WDFY4: variants seen among roughly 807,000 people sequenced by gnomAD.
WDFY4 encodes the protein WD repeat- and FYVE domain-containing protein 4.
WDFY4 carries 169 observed loss-of-function variants against 351.9 expected under a neutral mutation model. That is an observed-to-expected ratio of 0.48 (90% CI 0.42 to 0.55). WDFY4 has a LOEUF of 0.55. Ranked by LOEUF, WDFY4 falls within the 20% of genes least tolerant of loss-of-function variation. The pLI, the probability that WDFY4 is intolerant of heterozygous loss-of-function variation, is 0.00. For synonymous variants in WDFY4, 1,622 were observed against 1,574.6 expected, an observed-to-expected ratio of 1.03 and a Z score of -0.71; for missense variants, 3,803 against 3,935.6, an observed-to-expected ratio of 0.97 and a Z score of 0.90.
intron 39 of WDFY4, among the ~76,000 whole-genome samples, chr10:48,858,401 C>T (rs1487687714): frequency 1.3e-5 from 2 of 152,080 alleles, no homozygotes; most frequent in African/African-American, 2.4e-5. Context: ...GTATAAGGTA[C>T]GAGACTTAGG....
intron 23 of WDFY4, among the ~76,000 whole-genome samples, chr10:48,795,574 CTGATCACA>C (rs2066845535): frequency 7.0e-6 from 1 of 142,992 alleles, no homozygotes; most frequent in African/African-American, 2.7e-5. Context: ...TGAGTCTTTT[CTGATCACA>C]AACAAGGCTT....
In WDFY4 at chr10:48,749,032, A is replaced by G. The variant is rs12240804; in HGVS notation, c.2459+5484A>G. On this transcript the variant is annotated intron_variant, in intron 12 of 61. Coordinates refer to ENST00000325239, the MANE Select transcript of WDFY4 (RefSeq NM_001394531.1). ...CTTCCATCTCCTGATTTGAAGGCAG[A>G]CATAATAATAGTATCTACATTGAGG... Among the ~76,000 whole-genome samples, 1,041 of 152,338 alleles carry G rather than the reference A, an allele frequency of 6.8e-3. 10 individuals are homozygous for G. Among genetic ancestry groups the G allele is most frequent in the African/African-American group, 0.023 (977 of 41,576 alleles).
intron 1 of WDFY4, among the ~76,000 whole-genome samples, chr10:48,702,017 T>C (rs2063493172): frequency 6.6e-6 from 1 of 152,208 alleles, no homozygotes; most frequent in Non-Finnish European, 1.5e-5. Context: ...TTTCTTAAAG[T>C]CAGGTTTACT....
intron 26 of WDFY4, among the ~76,000 whole-genome samples, 153 bp downstream of exon 26, chr10:48,805,574 T>C (rs1329057996): frequency 6.6e-6 from 1 of 152,190 alleles, no homozygotes; most frequent in African/African-American, 2.4e-5. Context: ...GGGGAAAGGA[T>C]GGTTTGCTGA....
In WDFY4 at chr10:48,780,077, A is replaced by G; in HGVS notation, c.3534A>G (p.Thr1178=). 6 of 1,552,058 alleles carry G rather than the reference A, an allele frequency of 3.9e-6. No individual in the cohort carries two copies. Among genetic ancestry groups the G allele is most frequent in the Non-Finnish European group, 5.2e-6 (6 of 1,147,062 alleles). ...CTAAGGAAATGAAAAGGCATTGTAC[A>G]GTTTCCACCTGTCTGGATGGACAGG... ...VVTKEMKRHC[T]VSTCLDGQVI... Residue 1178 remains threonine, a synonymous_variant, in exon 19 of 62, where the codon ACA becomes ACG. Transcript: ENST00000325239.
rs753059635 is a variant in WDFY4 at position 48,828,932 on chromosome 10, G to T, written c.6340+36G>T. 44 of 291,072 alleles carry T rather than the reference G, an allele frequency of 1.5e-4. 2 individuals are homozygous for T. Among genetic ancestry groups the T allele is most frequent in the Middle Eastern group, 1.3e-3 (1 of 768 alleles). The allele number at this position is 291,072 out of a possible 1,614,324, so 18.0% of individuals were successfully genotyped here. A position where few individuals can be genotyped will look rare whatever the true frequency, so the allele number is the denominator to read the frequency against. The stretch of plus-strand genomic sequence containing the variant: ...TTTGTCATTGTGTGTGTGGGCGGGG[G>T]GGGGGCGGGGAGGGGGTGGTGGCAG... On this transcript the variant is annotated intron_variant, in intron 37 of 61. Coordinates refer to ENST00000325239, the MANE Select transcript of WDFY4 (RefSeq NM_001394531.1).
intron 47 of WDFY4, chr10:48,910,171 G>T: frequency 7.1e-7 from 1 of 1,405,968 alleles, no homozygotes; most frequent in South Asian, 1.2e-5. Context: ...CTAACTGGGG[G>T]CTTCTCCTCT....
intron 40 of WDFY4, among the ~76,000 whole-genome samples, chr10:48,871,473 C>CTT (rs5784781): frequency 7.3e-6 from 1 of 137,140 alleles, no homozygotes. Flanking sequence ...TGGCCCCCCC[C>CTT]TTTTTTTTTT....
At chr10:48,759,206 G>T (rs2065425762) in intron 12 of WDFY4, among the ~76,000 whole-genome samples, 1 of 152,108 alleles carries the variant, frequency 6.6e-6, no homozygotes, top group Non-Finnish European at 1.5e-5. Context: ...GTTGTGTGTG[G>T]TGGTTTACCT....
intron 47 of WDFY4, among the ~76,000 whole-genome samples, chr10:48,940,915 G>T (rs1476357779): frequency 3.3e-5 from 5 of 152,138 alleles, no homozygotes; most frequent in Non-Finnish European, 1.5e-5. Flanking sequence ...GACTTCTTTG[G>T]TTTGATATTT....
intron 1 of WDFY4, among the ~76,000 whole-genome samples, chr10:48,704,101 T>C (rs940206053): frequency 8.5e-5 from 13 of 152,150 alleles, no homozygotes; most frequent in Non-Finnish European, 1.5e-4. Context: ...TGGGGGTCCC[T>C]GCAGCCCTTC....
At chr10:48,844,769 C>A (rs2133139056) in intron 39 of WDFY4, among the ~76,000 whole-genome samples, 1 of 152,284 alleles carries the variant, frequency 6.6e-6, no homozygotes, top group Admixed American at 6.5e-5. Flanking sequence ...TTAAGGGATT[C>A]CTCAAGCCTA....
chr10:48,759,844 C>T (rs553127128), intron 12 of WDFY4, among the ~76,000 whole-genome samples: 4 of 152,282 alleles, frequency 2.6e-5, no homozygotes, highest in South Asian at 4.1e-4. Context: ...GTTTCCTTCT[C>T]GGCTACCATT....
chr10:48,832,649 G>T lies in WDFY4; in HGVS notation c.6603G>T (p.Leu2201=). ...HSKVTLWSGS[L]SSAMKLMPGR... is the part of the protein sequence containing the mutation. ...AAGTCACTTTGTGGAGTGGAAGCCTGTCCTCAGCCATGAAGCTGATGCCCG... is the reference window on the plus strand; with the variant it reads ...AAGTCACTTTGTGGAGTGGAAGCCTTTCCTCAGCCATGAAGCTGATGCCCG... Residue 2201 remains leucine (L), a synonymous_variant, in exon 39 of 62, where the codon CTG becomes CTT. Transcript: ENST00000325239. 6.4e-7 allele frequency: 1 copy of T among 1,551,120 alleles called. No individual in the cohort carries two copies. Among genetic ancestry groups the T allele is most frequent in the South Asian group, 1.2e-5 (1 of 83,720 alleles).
chr10:48,687,079 T>C (rs915317751), intron 1 of WDFY4, among the ~76,000 whole-genome samples: 3 of 152,218 alleles, frequency 2.0e-5, no homozygotes, highest in Non-Finnish European at 4.4e-5. Flanking sequence ...TGAAAAGCTA[T>C]CTTAGCATGT....
At position 48,723,509 on chromosome 10, in the gene WDFY4, C is replaced by G; in HGVS notation, c.533C>G (p.Pro178Arg). 1 of 1,551,696 alleles carries G rather than the reference C, an allele frequency of 6.4e-7. No homozygotes were observed. Among genetic ancestry groups the G allele is most frequent in the South Asian group, 1.2e-5 (1 of 84,048 alleles). ...LQCLYLFFVFPLDKDELLESD... is the reference protein window; with the variant it reads ...LQCLYLFFVFRLDKDELLESD... ...TGCCTTTACCTCTTCTTTGTCTTTCCTCTGGACAAAGATGAGCTTCTTGAG... is the reference window on the plus strand; with the variant it reads ...TGCCTTTACCTCTTCTTTGTCTTTCGTCTGGACAAAGATGAGCTTCTTGAG... The change falls in exon 5 of 62, where the codon CCT becomes CGT. Residue 178 changes from proline to arginine, a missense_variant. Physicochemically the swap from Pro to Arg is moderately radical, Grantham distance 103 (BLOSUM62 -2). This residue lies in a region of WDFY4 where 488 missense variants were observed against 456.8 expected (regional missense o/e 1.07). Coordinates refer to ENST00000325239, the MANE Select transcript of WDFY4 (RefSeq NM_001394531.1).
intron 47 of WDFY4, among the ~76,000 whole-genome samples, chr10:48,915,883 C>T (rs976105922): frequency 6.6e-5 from 10 of 152,172 alleles, no homozygotes; most frequent in South Asian, 2.1e-4. Flanking sequence ...TCCCCATTTT[C>T]GGGCATAATT....
At chr10:48,779,461 G>C (rs1301568483) in intron 18 of WDFY4, among the ~76,000 whole-genome samples, 1 of 152,150 alleles carries the variant, frequency 6.6e-6, no homozygotes. Context: ...GTTTCATAGG[G>C]AAAAACATTG....
chr10:48,734,093 G>T (rs1476524110), intron 10 of WDFY4, 58 bp downstream of exon 10: 1 of 1,430,956 alleles, frequency 7.0e-7, no homozygotes, highest in African/African-American at 1.4e-5. Flanking sequence ...ACTCTTTCCT[G>T]GTTATTTATG....
Sources: allele counts gnomAD v4.1 joint callset (sites outside exome capture counted in the v4.1 genomes callset), GRCh38; gene constraint gnomAD v4.1.1; regional missense constraint gnomAD v4.1.1; transcripts MANE v1.5; gene names NCBI Gene and HGNC (gene_info 2026-07-23, HGNC 2026-07-21).